The following LAMA2 variants were observed in gnomAD, a reference collection of about 807,000 sequenced individuals.
The protein encoded by LAMA2 is laminin subunit alpha 2, also known as laminin subunit alpha-2.
A neutral mutation model predicts 364.8 loss-of-function variants in LAMA2; 269 were observed. The observed-to-expected ratio is 0.74, with a 90% CI of 0.67 to 0.82. LAMA2 has a LOEUF of 0.82. Ranked by LOEUF, LAMA2 falls within the 40% of genes least tolerant of loss-of-function variation. LAMA2 has a pLI of 0.00. For missense variants in LAMA2, 3,807 were observed against 3,873.2 expected (o/e 0.98, Z 0.45); for synonymous variants, 1,379 against 1,370.6 (o/e 1.01, Z -0.14).
chr6:129,266,896 T>C (rs1177965832), intron 15 of LAMA2, among the ~76,000 whole-genome samples: 1 of 152,086 alleles, frequency 6.6e-6, no homozygotes, highest in East Asian at 1.9e-4. Flanking sequence ...TCTAATCTCA[T>C]ACCTGCCAAT....
chr6:129,265,101 A>C (rs1209020865), intron 15 of LAMA2, among the ~76,000 whole-genome samples: 1 of 152,140 alleles, frequency 6.6e-6, no homozygotes, highest in African/African-American at 2.4e-5. Flanking sequence ...GAGAGAGTGA[A>C]TATTGAGAAG....
At chr6:129,428,975 C>G (rs1781459448) in intron 41 of LAMA2, among the ~76,000 whole-genome samples, 1 of 152,180 alleles carries the variant, frequency 6.6e-6, no homozygotes, top group African/African-American at 2.4e-5. Flanking sequence ...ATATCTGTCT[C>G]CCTACCCTTA....
Position 129,048,996 on chromosome 6 carries a change from C to T in LAMA2, c.113-922C>T, listed in dbSNP as rs537169368. On this transcript the variant is annotated intron_variant, in intron 1 of 64. Coordinates refer to ENST00000421865, the MANE Select transcript of LAMA2 (RefSeq NM_000426.4). ...GAGCTGAAACAACCTAGATGGTCGG[C>T]ATATTTTCTCCATAAATAGAGTCAA... 3.9e-5 allele frequency among the ~76,000 whole-genome samples: 6 copies of T among 152,220 alleles called. No individual in the cohort carries two copies. The South Asian group carries it at 1.2e-3, about 32-fold the overall frequency.
At chr6:129,307,546 G>A (rs987379580) in intron 22 of LAMA2, among the ~76,000 whole-genome samples, 2 of 152,146 alleles carry the variant, frequency 1.3e-5, no homozygotes, top group Non-Finnish European at 2.9e-5. Context: ...TCTCTGTGTT[G>A]CAGCCTAGAA....
At chr6:129,048,256 A>G (rs1787678813) in intron 1 of LAMA2, among the ~76,000 whole-genome samples, 1 of 152,102 alleles carries the variant, frequency 6.6e-6, no homozygotes, top group South Asian at 2.1e-4. Flanking sequence ...TTATTCGTTT[A>G]TTTTACAAAT....
At chr6:129,014,743 T>G (rs9492192) in intron 1 of LAMA2, among the ~76,000 whole-genome samples, 7,223 of 152,138 alleles carry the variant, frequency 0.047, 558 homozygotes, top group African/African-American at 0.16. Context: ...GCTAGACATG[T>G]ATTCAAACCT....
At chr6:129,253,469 G>A (rs2114292335) in intron 14 of LAMA2, among the ~76,000 whole-genome samples, 1 of 152,306 alleles carries the variant, frequency 6.6e-6, no homozygotes, top group South Asian at 2.1e-4. Context: ...GGAGAGAACT[G>A]CAGAATCATA....
At position 129,448,286 on chromosome 6, in the gene LAMA2, C is replaced by A. The variant is rs563625045; in HGVS notation, c.6429+2465C>A. ...TGGCAAATAGAAACCCTGTCCCCCC[C>A]CAAAAAAAAAGAGAAGAAAAAAAGA... On this transcript the variant is annotated intron_variant, in intron 45 of 64. Coordinates refer to ENST00000421865, the MANE Select transcript of LAMA2 (RefSeq NM_000426.4). Among the ~76,000 whole-genome samples the A allele has an allele frequency of 1.8e-4, 27 of 150,578 alleles. 1 individual carries two copies. The highest frequency in any genetic ancestry group is 5.6e-4 in the African/African-American group (23 of 40,756).
chr6:129,495,479 C>G (rs1471623882), intron 58 of LAMA2, among the ~76,000 whole-genome samples: 1 of 152,190 alleles, frequency 6.6e-6, no homozygotes, highest in Non-Finnish European at 1.5e-5. Flanking sequence ...TTAATTGTTA[C>G]CATATTTCTA....
intron 1 of LAMA2, among the ~76,000 whole-genome samples, chr6:128,981,329 G>A (rs938720291): frequency 6.6e-6 from 1 of 152,060 alleles, no homozygotes; most frequent in African/African-American, 2.4e-5. Flanking sequence ...CTGTCACCCA[G>A]GATAAACGTG....
At chr6:129,280,788 T>G (rs1417071998) in intron 18 of LAMA2, among the ~76,000 whole-genome samples, 1 of 152,168 alleles carries the variant, frequency 6.6e-6, no homozygotes, top group Non-Finnish European at 1.5e-5. Context: ...AGCATAAAAG[T>G]GATACAAACT....
At chr6:129,035,647 TAA>T (rs1436311146) in intron 1 of LAMA2, among the ~76,000 whole-genome samples, 2 of 152,074 alleles carry the variant, frequency 1.3e-5, no homozygotes, top group Middle Eastern at 3.2e-3. Context: ...GTCTTGCATT[TAA>T]GTCTTTAATT....
chr6:129,499,511 C>T (rs974678633), intron 58 of LAMA2, among the ~76,000 whole-genome samples: 14 of 152,002 alleles, frequency 9.2e-5, no homozygotes, highest in African/African-American at 3.4e-4. Context: ...AAACATCATC[C>T]TTAGTGACAA....
At chr6:129,462,153 A>G (rs1783284598) in intron 49 of LAMA2, among the ~76,000 whole-genome samples, 1 of 152,044 alleles carries the variant, frequency 6.6e-6, no homozygotes, top group Admixed American at 6.6e-5. Context: ...AGAAAAGAAC[A>G]AGTGTGAATT....
At chr6:129,251,076 C>CTATATATA (rs71714357) in intron 13 of LAMA2, among the ~76,000 whole-genome samples, 36 of 49,794 alleles carry the variant, frequency 7.2e-4, no homozygotes, top group South Asian at 1.7e-3. Context: ...CTCTCTCTCT[C>CTATATATA]TATATATATA....
chr6:129,462,843 T>A (rs1376666043), intron 49 of LAMA2, among the ~76,000 whole-genome samples: 1 of 152,002 alleles, frequency 6.6e-6, no homozygotes, highest in Non-Finnish European at 1.5e-5. Flanking sequence ...AGGAGTGATT[T>A]CATGGAGAAG....
intron 4 of LAMA2, among the ~76,000 whole-genome samples, chr6:129,121,947 G>T (rs1456000841): frequency 6.6e-6 from 1 of 152,046 alleles, no homozygotes; most frequent in Non-Finnish European, 1.5e-5. Context: ...TCGCTTCACT[G>T]CAGGAAAAAA....
chr6:129,462,524 T>G (rs1783309457), intron 49 of LAMA2, among the ~76,000 whole-genome samples: 1 of 152,004 alleles, frequency 6.6e-6, no homozygotes, highest in Non-Finnish European at 1.5e-5. Flanking sequence ...TATTCACATT[T>G]TCCTTTTAAG....
intron 1 of LAMA2, among the ~76,000 whole-genome samples, chr6:129,048,551 TTCTCTCTCTC>T (rs35969474): frequency 1.0e-5 from 1 of 99,028 alleles, no homozygotes; most frequent in African/African-American, 4.9e-5. Context: ...CTTTCTTTCT[TTCTCTCTCTC>T]TCTCTCTTTC....
Sources: allele counts gnomAD v4.1 joint callset (sites outside exome capture counted in the v4.1 genomes callset), GRCh38; gene constraint gnomAD v4.1.1; transcripts MANE v1.5; gene names NCBI Gene and HGNC (gene_info 2026-07-23, HGNC 2026-07-21).